DNASE1L3: variants seen among roughly 807,000 people sequenced by gnomAD.
The protein encoded by DNASE1L3 is deoxyribonuclease gamma.
In DNASE1L3, 27 loss-of-function variants were observed where a neutral mutation model predicts 30.9. That is an observed-to-expected ratio of 0.87 (90% confidence interval 0.64 to 1.20). The LOEUF (loss-of-function observed/expected upper bound fraction) is 1.20, where lower values mean the gene tolerates loss of function less well. Ranked by LOEUF, DNASE1L3 falls within the 50% of genes most tolerant of loss-of-function variation. The pLI is 0.00. For synonymous variants in DNASE1L3, 135 were observed against 138.0 expected, an observed-to-expected ratio of 0.98 and a Z score of 0.15; for missense variants, 364 against 378.2, an observed-to-expected ratio of 0.96 and a Z score of 0.31.
chr3:58,205,631 C>T, intron 2 of DNASE1L3, 71 bp from the exon 3 acceptor site: 2 of 1,346,798 alleles, frequency 1.5e-6, no homozygotes, highest in Non-Finnish European at 2.1e-6. Context: ...TCCTTTCTTT[C>T]CAATCTGCCT....
chr3:58,197,937 G>A lies in DNASE1L3; in HGVS notation c.588C>T (p.Tyr196=), dbSNP rs745795646. Residue 196 remains tyrosine (Y), a synonymous_variant, in exon 6 of 8, where the codon TAC becomes TAT. Transcript: ENST00000394549. This position sits in a 1 kb window ranked among gnomAD's most constrained non-coding sequence, Gnocchi z 5.3. ...TGTTCTTCCAGGCCTTCTTGGGGAC[G>A]TAGCTGCAGCCGGCATTGAAGTCAC... ...FMGDFNAGCS[Y]VPKKAWKNIR... is the part of the protein sequence containing the mutation. The A allele has an allele frequency of 1.4e-5, 22 of 1,613,772 alleles. No individual in the cohort carries two copies. The highest frequency in any genetic ancestry group is 2.2e-5 in the East Asian group (1 of 44,878).
chr3:58,193,573 G>C (rs1261079318), intron 6 of DNASE1L3, 134 bp from the exon 7 acceptor site: 1 of 710,604 alleles, frequency 1.4e-6, no homozygotes, highest in Non-Finnish European at 2.3e-6. Context: ...GTCCAGAGCT[G>C]GTTTTAGCCT....
At chr3:58,204,317 T>C (rs1251131070) in intron 4 of DNASE1L3, among the ~76,000 whole-genome samples, 1 of 151,992 alleles carries the variant, frequency 6.6e-6, no homozygotes, top group Non-Finnish European at 1.5e-5. Context: ...ATTTTTGTAT[T>C]TTTAGTAGAG....
intron 6 of DNASE1L3, 31 bp from the exon 7 acceptor site, chr3:58,193,470 T>C: frequency 6.4e-7 from 1 of 1,572,758 alleles, no homozygotes; most frequent in East Asian, 2.3e-5. Context: ...ACAGTTGTGT[T>C]AATCCAACCT....
At position 58,192,626 on chromosome 3, in the gene DNASE1L3, T is replaced by C. The variant is rs201385315; in HGVS notation, c.*61A>G. 165 of 1,519,470 alleles carry C rather than the reference T, an allele frequency of 1.1e-4. No individual in the cohort carries two copies. Among genetic ancestry groups the C allele is most frequent in the Non-Finnish European group, 1.3e-4 (147 of 1,110,872 alleles). 94.1% of individuals were successfully genotyped at this position (1,519,470 alleles called of 1,614,324 possible). A position where few individuals can be genotyped will look rare whatever the true frequency, so the allele number is the denominator to read the frequency against. On this transcript the variant is annotated 3_prime_UTR_variant, in exon 8 of 8. Coordinates refer to ENST00000394549, the MANE Select transcript of DNASE1L3 (RefSeq NM_004944.4). This position sits in a 1 kb window ranked among gnomAD's most constrained non-coding sequence, Gnocchi z 4.8. ...TTTCCTAAGTACAGGGAGCAGTTCA[T>C]ATCTGTTAGAGACATTTTATTTAGA...
intron 5 of DNASE1L3, among the ~76,000 whole-genome samples, chr3:58,198,594 AG>A (rs1268781547): frequency 6.6e-6 from 1 of 152,244 alleles, no homozygotes; most frequent in East Asian, 1.9e-4. Flanking sequence ...TGTTCTTAAC[AG>A]GAAGGAGAAT....
At position 58,192,472 on chromosome 3, in the gene DNASE1L3, C is replaced by T. The variant is rs915918565; in HGVS notation, c.*215G>A. 1 of 411,072 alleles carries T rather than the reference C, an allele frequency of 2.4e-6. No homozygotes were observed. The highest frequency in any genetic ancestry group is 4.3e-6 in the Non-Finnish European group (1 of 235,200). The allele number at this position is 411,072 out of a possible 1,614,324, so 25.5% of individuals were successfully genotyped here. A position where few individuals can be genotyped will look rare whatever the true frequency, so the allele number is the denominator to read the frequency against. On this transcript the variant is annotated 3_prime_UTR_variant, in exon 8 of 8. Transcript: ENST00000394549. This position sits in a 1 kb window ranked among gnomAD's most constrained non-coding sequence, Gnocchi z 4.8. ...AGATCATCATTTTGGTCTACAAATGCCCCTGGTTCCCTTTTAGACAATTCA... is the reference window on the plus strand; with the variant it reads ...AGATCATCATTTTGGTCTACAAATGTCCCTGGTTCCCTTTTAGACAATTCA...
chr3:58,194,512 GT>G (rs1466410070), intron 6 of DNASE1L3, among the ~76,000 whole-genome samples: 1 of 150,700 alleles, frequency 6.6e-6, no homozygotes, highest in African/African-American at 2.4e-5. Context: ...TAGAGACGGG[GT>G]TTATCCCTGT....
rs1253420415 is a variant in DNASE1L3 at position 58,193,565 on chromosome 3, C to T, written c.705-126G>A. The T allele has an allele frequency of 2.5e-5, 19 of 761,634 alleles. No individual in the cohort carries two copies. In the Admixed American group the frequency reaches 4.8e-4, roughly 19 times the overall value. 47.2% of individuals were successfully genotyped at this position (761,634 alleles called of 1,614,324 possible). A position where few individuals can be genotyped will look rare whatever the true frequency, so the allele number is the denominator to read the frequency against. ...GGCCCTTTCATGTGGCGCTCAAAGT[C>T]CAGAGCTGGTTTTAGCCTGTGACCC... On this transcript the variant is annotated intron_variant, in intron 6 of 7. Coordinates refer to ENST00000394549, the MANE Select transcript of DNASE1L3 (RefSeq NM_004944.4).
At chr3:58,198,012 G>A in intron 5 of DNASE1L3, 34 bp from the exon 6 acceptor site, 1 of 1,579,556 alleles carries the variant, frequency 6.3e-7, no homozygotes, top group Non-Finnish European at 8.6e-7. Context: ...TCACCTGGTG[G>A]GTGCTGCTGC....
rs2097398005 is a variant in DNASE1L3 at position 58,197,304 on chromosome 3, A to G, written c.704+517T>C. On this transcript the variant is annotated intron_variant, in intron 6 of 7. Transcript: ENST00000394549. This position sits in a 1 kb window ranked among gnomAD's most constrained non-coding sequence, Gnocchi z 5.3. ...GGATTTAAATCCAGGCCTATCTGAT[A>G]GCGAAGCCAGTGCTTACCTCTGCTA... Among the ~76,000 whole-genome samples the G allele has an allele frequency of 6.6e-6, 1 of 152,224 alleles. No individual in the cohort carries two copies. Among genetic ancestry groups the G allele is most frequent in the South Asian group, 2.1e-4 (1 of 4,836 alleles).
chr3:58,204,424 C>A (rs1427358892), intron 4 of DNASE1L3, among the ~76,000 whole-genome samples: 2 of 151,968 alleles, frequency 1.3e-5, no homozygotes, highest in Non-Finnish European at 2.9e-5. Flanking sequence ...TACAGCCATG[C>A]GCCACCGCAC....
At chr3:58,208,118 G>A in intron 2 of DNASE1L3, 100 bp downstream of exon 2, 1 of 1,161,238 alleles carries the variant, frequency 8.6e-7, no homozygotes, top group Non-Finnish European at 1.3e-6. Context: ...TGAACTGGTG[G>A]TCAAGTGCGG....
intron 6 of DNASE1L3, among the ~76,000 whole-genome samples, chr3:58,196,402 A>T (rs75972979): frequency 6.6e-6 from 1 of 151,334 alleles, no homozygotes; most frequent in Admixed American, 6.6e-5. Context: ...AAAAAAAAAA[A>T]ATTAGCCAGG....
At chr3:58,196,388 C>CAA (rs546028723) in intron 6 of DNASE1L3, among the ~76,000 whole-genome samples, 28 of 125,144 alleles carry the variant, frequency 2.2e-4, no homozygotes, top group Non-Finnish European at 4.1e-4. Flanking sequence ...ACTAAAAATA[C>CAA]AAAAAAAAAA....
Position 58,200,839 on chromosome 3 carries a change from G to C in DNASE1L3, c.546+158C>G, listed in dbSNP as rs946402394. ...GTACCCAGGCAGATTTAGCAAAAGG[G>C]ATACTTAGGGCTGAAGAAAGGCCTT... On this transcript the variant is annotated intron_variant, in intron 5 of 7. Transcript: ENST00000394549. This position sits in a 1 kb window ranked among gnomAD's most constrained non-coding sequence, Gnocchi z 4.2. Among the ~76,000 whole-genome samples, 2 of 152,200 alleles carry C rather than the reference G, an allele frequency of 1.3e-5. No homozygotes were observed. The highest frequency in any genetic ancestry group is 2.4e-5 in the African/African-American group (1 of 41,444).
At chr3:58,193,492 G>A in intron 6 of DNASE1L3, 53 bp from the exon 7 acceptor site, 1 of 1,489,062 alleles carries the variant, frequency 6.7e-7, no homozygotes, top group Non-Finnish European at 9.3e-7. Context: ...TGATTGCTGA[G>A]ATCAAACCAA....
Position 58,198,043 on chromosome 3 carries a change from T to C in DNASE1L3, c.547-65A>G. 2.6e-6 allele frequency: 4 copies of C among 1,529,422 alleles called. No individual in the cohort carries two copies. In the South Asian group the frequency reaches 5.1e-5, roughly 20 times the overall value. 94.7% of individuals were successfully genotyped at this position (1,529,422 alleles called of 1,614,324 possible). A position where few individuals can be genotyped will look rare whatever the true frequency, so the allele number is the denominator to read the frequency against. ...GCTGCAGAATGCTTTCACACTGGACTCTAGCAAAGACTCTGCGTCCCAGGC... is the reference window on the plus strand; with the variant it reads ...GCTGCAGAATGCTTTCACACTGGACCCTAGCAAAGACTCTGCGTCCCAGGC... On this transcript the variant is annotated intron_variant, in intron 5 of 7. Transcript: ENST00000394549.
rs2097399859 is a variant in DNASE1L3, at chr3:58,200,340, T to C, written c.546+657A>G. Among the ~76,000 whole-genome samples, 3 of 152,150 alleles carry C rather than the reference T, an allele frequency of 2.0e-5. No individual in the cohort carries two copies. On this transcript the variant is annotated intron_variant, in intron 5 of 7. Transcript: ENST00000394549. This position sits in a 1 kb window ranked among gnomAD's most constrained non-coding sequence, Gnocchi z 4.2. ...CAGTCCCACACTATTTGTTGCCTTG[T>C]GGGAAAGAAAATTTATTTTGGTCTG...
Sources: allele counts gnomAD v4.1 joint callset (sites outside exome capture counted in the v4.1 genomes callset), GRCh38; gene constraint gnomAD v4.1.1; non-coding constraint Gnocchi (gnomAD v3.1); transcripts MANE v1.5; gene names NCBI Gene and HGNC (gene_info 2026-07-23, HGNC 2026-07-21).